CUX2: variants seen among roughly 807,000 people sequenced by gnomAD.
CUX2 encodes cut like homeobox 2, also known as homeobox protein cut-like 2.
CUX2 carries 40 observed loss-of-function variants against 144.8 expected under a neutral mutation model. The observed-to-expected ratio is 0.28, with a 90% CI of 0.21 to 0.36. The LOEUF (loss-of-function observed/expected upper bound fraction) is 0.36. Ranked by LOEUF, CUX2 falls within the 10% of genes least tolerant of loss-of-function variation. The pLI is 1.00. For missense variants in CUX2, 1,615 were observed against 1,994.0 expected (o/e 0.81, Z 3.62); for synonymous variants, 827 against 875.6 (o/e 0.94, Z 0.98).
At chr12:111,090,141 A>G (rs1290575136) in intron 1 of CUX2, among the ~76,000 whole-genome samples, 1 of 152,148 alleles carries the variant, frequency 6.6e-6, no homozygotes, top group African/African-American at 2.4e-5. Context: ...ATGGGCTTGG[A>G]TAGGAGTGAC....
chr12:111,080,627 G>A (rs940737034), intron 1 of CUX2, among the ~76,000 whole-genome samples: 3 of 152,002 alleles, frequency 2.0e-5, no homozygotes, highest in East Asian at 3.9e-4. Flanking sequence ...TGCAGTGATC[G>A]TACCACTGCA....
intron 1 of CUX2, among the ~76,000 whole-genome samples, chr12:111,060,681 G>A (rs1166550689): frequency 2.6e-5 from 4 of 152,338 alleles, no homozygotes; most frequent in African/African-American, 4.8e-5. Context: ...TCTGGTTTGC[G>A]GATACTGAGA....
chr12:111,226,520 T>C (rs1592857475), intron 3 of CUX2, among the ~76,000 whole-genome samples: 2 of 152,208 alleles, frequency 1.3e-5, no homozygotes, highest in South Asian at 4.1e-4. Context: ...TAATGCTTTT[T>C]TCCCCCCAGT....
rs1869415990 is a variant in CUX2, at chr12:111,035,808, A to G, written c.63+1568A>G. Among the ~76,000 whole-genome samples, 3 of 151,972 alleles carry G rather than the reference A, an allele frequency of 2.0e-5. No homozygotes were observed. The highest frequency in any genetic ancestry group is 2.9e-5 in the Non-Finnish European group (2 of 67,998). On this transcript the variant is annotated intron_variant, in intron 1 of 21. Transcript: ENST00000261726. The surrounding 1 kb of genome is among the most constrained non-coding windows in gnomAD (Gnocchi z 6.0). The stretch of plus-strand genomic sequence containing the variant: ...CGGGGCACTGAGGCATGCAGTTAAT[A>G]ACTGCCGAGTGCCTTGCAATTCCGG...
At chr12:111,282,277 G>A (rs1885150582) in intron 4 of CUX2, among the ~76,000 whole-genome samples, 1 of 149,108 alleles carries the variant, frequency 6.7e-6, no homozygotes, top group Non-Finnish European at 1.5e-5. Flanking sequence ...AGCCAAGATC[G>A]TGCCACTGCA....
intron 16 of CUX2, among the ~76,000 whole-genome samples, chr12:111,317,999 A>C (rs1592959887): frequency 7.3e-6 from 1 of 136,478 alleles, no homozygotes; most frequent in African/African-American, 3.5e-5. Flanking sequence ...GACTCAGTCA[A>C]AAAGAAAAAA....
chr12:111,111,655 G>A (rs957059659), intron 1 of CUX2, among the ~76,000 whole-genome samples: 1 of 152,078 alleles, frequency 6.6e-6, no homozygotes, highest in Non-Finnish European at 1.5e-5. Flanking sequence ...TAATAGGCCC[G>A]GGGGTACTTG....
chr12:111,295,883 TCTAAAGAGACAGCCACTG>T lies in CUX2; in HGVS notation c.637+477_637+494del, dbSNP rs896089297. On this transcript the variant is annotated intron_variant, in intron 7 of 21. Coordinates refer to ENST00000261726, the MANE Select transcript of CUX2 (RefSeq NM_015267.4). The surrounding 1 kb of genome is among the most constrained non-coding windows in gnomAD (Gnocchi z 5.0). Reference sequence around the variant, plus strand: ...GGCAAACTGGAGAAATGAGGCCTCATCTAAAGAGACAGCCACTGCTTAGTACCAGCCAGGCGCTACCAT... The same window carrying T: ...GGCAAACTGGAGAAATGAGGCCTCATCTTAGTACCAGCCAGGCGCTACCAT... Among the ~76,000 whole-genome samples the T allele has an allele frequency of 3.9e-5, 6 of 151,922 alleles. No individual in the cohort carries two copies. The highest frequency in any genetic ancestry group is 1.5e-4 in the African/African-American group (6 of 41,320).
chr12:111,052,413 A>C (rs1198124114), intron 1 of CUX2, among the ~76,000 whole-genome samples: 2 of 148,782 alleles, frequency 1.3e-5, no homozygotes, highest in Non-Finnish European at 2.9e-5. Flanking sequence ...AGCACATAGT[A>C]GGCCCTCAAA....
rs775186252 is a variant in CUX2 at position 111,347,587 on chromosome 12, C to T, written c.3723C>T (p.Ser1241=). The T allele has an allele frequency of 4.3e-5, 69 of 1,613,072 alleles. No individual in the cohort carries two copies. Among genetic ancestry groups the T allele is most frequent in the East Asian group, 4.2e-4 (19 of 44,870 alleles). ...AGGATGAGCCAGACCTTGATCCAAG[C>T]GGGGGTCCTGGAATCCTACCGCCAG... is the stretch of plus-strand genomic sequence containing the variant. ...GTQDEPDLDP[S]GGPGILPPGH... is the part of the protein sequence containing the mutation. The change falls in exon 22 of 22, where the codon AGC becomes AGT. Residue 1241 remains serine (S), a synonymous_variant. Transcript: ENST00000261726.
At chr12:111,094,521 C>T (rs1288503533) in intron 1 of CUX2, among the ~76,000 whole-genome samples, 2 of 152,298 alleles carry the variant, frequency 1.3e-5, no homozygotes, top group African/African-American at 4.8e-5. Context: ...TTCTTTGAGA[C>T]AGGGTCTTGC....
At chr12:111,226,946 A>C (rs916195162) in intron 3 of CUX2, among the ~76,000 whole-genome samples, 1 of 152,238 alleles carries the variant, frequency 6.6e-6, no homozygotes, top group Non-Finnish European at 1.5e-5. Context: ...TGGGGAGATA[A>C]GGCCGCTGGG....
At chr12:111,044,294 G>A (rs1869894332) in intron 1 of CUX2, among the ~76,000 whole-genome samples, 1 of 152,106 alleles carries the variant, frequency 6.6e-6, no homozygotes, top group Non-Finnish European at 1.5e-5. Flanking sequence ...CTGGGGAGCT[G>A]TCACTCCCAG....
intron 3 of CUX2, among the ~76,000 whole-genome samples, chr12:111,259,045 GTGTGTGTGTGTGTGTGTGTGTGTGTGTT>G (rs934407598): frequency 4.0e-5 from 6 of 150,068 alleles, no homozygotes; most frequent in Non-Finnish European, 7.4e-5. Context: ...GTGTGTGTGT[GTGTGTGTGTGTGTGTGTGTGTGTGTGTT>G]TGTGTGTGTG....
rs568412439 is a variant in CUX2, at chr12:111,037,112, G to A, written c.63+2872G>A. ...TCTGCCGGCTTTTTCTGAGATCCAG[G>A]TAGGAGAGGCAGGTCCCCGTGCCCA... is the stretch of plus-strand genomic sequence containing the variant. On this transcript the variant is annotated intron_variant, in intron 1 of 21. Transcript: ENST00000261726. This position sits in a 1 kb window ranked among gnomAD's most constrained non-coding sequence, Gnocchi z 5.4. 6.6e-6 allele frequency among the ~76,000 whole-genome samples: 1 copy of A among 152,300 alleles called. No individual in the cohort carries two copies. The highest frequency in any genetic ancestry group is 2.4e-5 in the African/African-American group (1 of 41,570).
chr12:111,227,467 A>G (rs1007437479), intron 3 of CUX2, among the ~76,000 whole-genome samples: 3 of 152,296 alleles, frequency 2.0e-5, no homozygotes, highest in Non-Finnish European at 4.4e-5. Flanking sequence ...AACTTGATGC[A>G]GAGTAAAGAG....
At chr12:111,274,090 G>GT (rs1018459439) in intron 4 of CUX2, among the ~76,000 whole-genome samples, 2 of 152,022 alleles carry the variant, frequency 1.3e-5, no homozygotes, top group African/African-American at 4.8e-5. Context: ...TTTGTTGGGT[G>GT]TTTTTTGTTT....
chr12:111,190,492 C>T lies in CUX2; in HGVS notation c.64-23708C>T, dbSNP rs953792087. ...CATTCCTCCACCTAGCCTGGCCCCACTATCTAAGCTGCTCAAGCCAGGGTG... is the reference window on the plus strand; with the variant it reads ...CATTCCTCCACCTAGCCTGGCCCCATTATCTAAGCTGCTCAAGCCAGGGTG... On this transcript the variant is annotated intron_variant, in intron 1 of 21. Coordinates refer to ENST00000261726, the MANE Select transcript of CUX2 (RefSeq NM_015267.4). This position sits in a 1 kb window ranked among gnomAD's most constrained non-coding sequence, Gnocchi z 4.0. Among the ~76,000 whole-genome samples, 1 of 152,202 alleles carries T rather than the reference C, an allele frequency of 6.6e-6. No individual in the cohort carries two copies. Among genetic ancestry groups the T allele is most frequent in the Non-Finnish European group, 1.5e-5 (1 of 68,026 alleles).
chr12:111,052,447 A>G (rs1233233569), intron 1 of CUX2, among the ~76,000 whole-genome samples: 1 of 152,176 alleles, frequency 6.6e-6, no homozygotes. Flanking sequence ...AGTCAAATGA[A>G]CAAACAGGGA....
Sources: allele counts gnomAD v4.1 joint callset (sites outside exome capture counted in the v4.1 genomes callset), GRCh38; gene constraint gnomAD v4.1.1; non-coding constraint Gnocchi (gnomAD v3.1); transcripts MANE v1.5; gene names NCBI Gene and HGNC (gene_info 2026-07-23, HGNC 2026-07-21).